The following PPARGC1A variants were observed in gnomAD, a reference collection of about 807,000 sequenced individuals.
The protein encoded by PPARGC1A is peroxisome proliferator-activated receptor gamma coactivator 1-alpha.
PPARGC1A carries 25 observed loss-of-function variants against 88.7 expected under a neutral mutation model. The observed-to-expected ratio is 0.28, with a 90% CI of 0.21 to 0.39. The LOEUF is 0.39. PPARGC1A is among the 10% of genes least tolerant of loss of function. The pLI, the probability that PPARGC1A is intolerant of heterozygous loss-of-function variation, is 1.00. For synonymous variants in PPARGC1A, 363 were observed against 355.6 expected (o/e 1.02, Z -0.24); for missense variants, 880 against 968.7 (o/e 0.91, Z 1.22).
chr4:24,095,781 G>A, the PPARGC1A span, among the ~76,000 whole-genome samples: 5 of 152,210 alleles, frequency 3.3e-5, no homozygotes, highest in South Asian at 2.1e-4. Flanking sequence ...GGTGAGGGCT[G>A]CTTCTCTGGA....
chr4:23,824,652 A>G, intron 5 of PPARGC1A, 144 bp from the exon 6 acceptor site: 1 of 747,728 alleles, frequency 1.3e-6, no homozygotes, highest in Non-Finnish European at 2.2e-6. Context: ...TCAAAGTCAG[A>G]CAAAAGTCCA....
the PPARGC1A span, among the ~76,000 whole-genome samples, chr4:23,935,916 G>A: frequency 6.6e-6 from 1 of 151,630 alleles, no homozygotes; most frequent in African/African-American, 2.4e-5. Flanking sequence ...TCTAAATGTT[G>A]AGCCTATATA....
At chr4:24,319,315 C>A in the PPARGC1A span, among the ~76,000 whole-genome samples, 4 of 152,252 alleles carry the variant, frequency 2.6e-5, no homozygotes, top group South Asian at 8.3e-4. Flanking sequence ...CAACTGTACT[C>A]CAGCCTGGGT....
chr4:24,113,280 A>AGATGGATGGATGGATGGATG, the PPARGC1A span, among the ~76,000 whole-genome samples: 8 of 152,222 alleles, frequency 5.3e-5, no homozygotes, highest in South Asian at 1.7e-3. Flanking sequence ...AGAAATGAAG[A>AGATGGATGGATGGATGGATG]GATGGATGGA....
the PPARGC1A span, among the ~76,000 whole-genome samples, chr4:24,194,665 CA>C: frequency 6.8e-4 from 6 of 8,796 alleles, no homozygotes; most frequent in Admixed American, 2.0e-3. Context: ...CACACACACA[CA>C]CACCCCCATC....
the PPARGC1A span, among the ~76,000 whole-genome samples, chr4:24,425,059 T>C: frequency 6.6e-6 from 1 of 152,344 alleles, no homozygotes; most frequent in Non-Finnish European, 1.5e-5. Flanking sequence ...AATTAACACA[T>C]TGATTTAAAC....
chr4:24,107,705 G>A, the PPARGC1A span, among the ~76,000 whole-genome samples: 57 of 152,316 alleles, frequency 3.7e-4, 1 homozygote, highest in South Asian at 0.012. Flanking sequence ...TTGAATATCA[G>A]TTGTAGTGTG....
chr4:24,197,055 T>G, the PPARGC1A span, among the ~76,000 whole-genome samples: 1 of 152,226 alleles, frequency 6.6e-6, no homozygotes, highest in Non-Finnish European at 1.5e-5. Flanking sequence ...AGTCAACCTG[T>G]ACTGATGGAA....
At chr4:24,376,878 G>A in the PPARGC1A span, among the ~76,000 whole-genome samples, 1 of 152,132 alleles carries the variant, frequency 6.6e-6, no homozygotes, top group East Asian at 1.9e-4. Flanking sequence ...ATGACTAAAT[G>A]TTGGTTATAT....
the PPARGC1A span, among the ~76,000 whole-genome samples, chr4:24,133,724 G>A: frequency 6.6e-6 from 1 of 152,108 alleles, no homozygotes; most frequent in Non-Finnish European, 1.5e-5. Context: ...AGAAGGTAGA[G>A]ATTGGTATAG....
At chr4:24,150,861 C>A in the PPARGC1A span, among the ~76,000 whole-genome samples, 29 of 152,242 alleles carry the variant, frequency 1.9e-4, 2 homozygotes, top group African/African-American at 7.0e-4. Flanking sequence ...GTACTGCCCC[C>A]AAGGACCTCC....
At chr4:23,834,700 C>A (rs1725702377) in intron 2 of PPARGC1A, among the ~76,000 whole-genome samples, 1 of 152,038 alleles carries the variant, frequency 6.6e-6, no homozygotes, top group African/African-American at 2.4e-5. Context: ...TTTGAAAGGA[C>A]CCTGTATATG....
the PPARGC1A span, among the ~76,000 whole-genome samples, chr4:24,289,870 T>C: frequency 1.3e-5 from 2 of 152,234 alleles, no homozygotes; most frequent in Non-Finnish European, 2.9e-5. Flanking sequence ...AATAAAGGCA[T>C]ACCCAAGACT....
chr4:24,408,363 A>G, the PPARGC1A span, among the ~76,000 whole-genome samples: 1 of 152,150 alleles, frequency 6.6e-6, no homozygotes, highest in Non-Finnish European at 1.5e-5. Flanking sequence ...TTTGAAAAAA[A>G]AAAAACCTAT....
chr4:23,947,398 A>AT, the PPARGC1A span, among the ~76,000 whole-genome samples: 1,695 of 16,018 alleles, frequency 0.11, 11 homozygotes, highest in Middle Eastern at 0.35. Flanking sequence ...TATATATATA[A>AT]AAAAAACGGT....
chr4:24,158,167 G>A, the PPARGC1A span, among the ~76,000 whole-genome samples: 1 of 151,122 alleles, frequency 6.6e-6, no homozygotes, highest in East Asian at 2.0e-4. Flanking sequence ...TATTGCCTCT[G>A]ACCAGAATAT....
At chr4:24,194,261 C>T in the PPARGC1A span, among the ~76,000 whole-genome samples, 2 of 152,150 alleles carry the variant, frequency 1.3e-5, no homozygotes, top group Non-Finnish European at 2.9e-5. Flanking sequence ...TAGGAACTTC[C>T]ATTAAAGCAG....
upstream of PPARGC1A, among the ~76,000 whole-genome samples, chr4:23,894,777 C>T (rs182721725): frequency 1.1e-4 from 17 of 152,142 alleles, no homozygotes; most frequent in Admixed American, 5.2e-4. Context: ...CTTAAAGCAA[C>T]AATTGTACTT....
chr4:24,411,629 G>A, the PPARGC1A span, among the ~76,000 whole-genome samples: 2 of 152,108 alleles, frequency 1.3e-5, no homozygotes, highest in African/African-American at 2.4e-5. Context: ...AGTATCATAC[G>A]GAATAGTCTC....
Sources: allele counts gnomAD v4.1 joint callset (sites outside exome capture counted in the v4.1 genomes callset), GRCh38; gene constraint gnomAD v4.1.1; transcripts MANE v1.5; gene names NCBI Gene and HGNC (gene_info 2026-07-23, HGNC 2026-07-21).